OSBPL10: variants seen among roughly 807,000 people sequenced by gnomAD.
OSBPL10 encodes the protein oxysterol-binding protein-related protein 10.
A neutral mutation model predicts 81.7 loss-of-function variants in OSBPL10; 49 were observed. That is an observed-to-expected ratio of 0.60 (90% confidence interval 0.48 to 0.76). OSBPL10 has a LOEUF of 0.76. Ranked by LOEUF, OSBPL10 falls within the 30% of genes least tolerant of loss-of-function variation. The probability of loss-of-function intolerance (pLI) is 0.00; values close to 1 mark genes in which losing one functional copy is unlikely to be tolerated. For synonymous variants in OSBPL10, 419 were observed against 383.6 expected (o/e 1.09, Z -1.08); for missense variants, 923 against 987.8 (o/e 0.93, Z 0.88).
intron 8 of OSBPL10, among the ~76,000 whole-genome samples, chr3:31,677,998 G>A (rs1226141554): frequency 1.0e-4 from 15 of 147,310 alleles, no homozygotes; most frequent in Middle Eastern, 3.6e-3. Flanking sequence ...GGAGAATGGC[G>A]TGAACCCAGG....
At chr3:32,023,688 G>T (rs1417330375) in intron 2 of OSBPL10, among the ~76,000 whole-genome samples, 1 of 152,130 alleles carries the variant, frequency 6.6e-6, no homozygotes, top group Non-Finnish European at 1.5e-5. Context: ...ATAGTTTATT[G>T]CTGCATTCTC....
chr3:31,841,144 G>A (rs1370682142), intron 3 of OSBPL10, among the ~76,000 whole-genome samples: 1 of 152,226 alleles, frequency 6.6e-6, no homozygotes, highest in East Asian at 1.9e-4. Flanking sequence ...CCGACCTCGG[G>A]TGATCCACCG....
chr3:31,695,259 C>T (rs2340581), intron 7 of OSBPL10, among the ~76,000 whole-genome samples: 149,982 of 152,322 alleles, frequency 0.98, 73,850 homozygotes, highest in Middle Eastern at 1. Flanking sequence ...ATCTGTAACA[C>T]TGGAGTTTAG....
At chr3:31,674,163 G>A (rs2125522245) in intron 8 of OSBPL10, among the ~76,000 whole-genome samples, 1 of 152,290 alleles carries the variant, frequency 6.6e-6, no homozygotes, top group East Asian at 1.9e-4. Flanking sequence ...ATGTCATGGG[G>A]AGGGATCTCT....
intron 6 of OSBPL10, 180 bp downstream of exon 6, chr3:31,733,077 C>G (rs937389721): frequency 6.6e-6 from 5 of 756,500 alleles, no homozygotes; most frequent in Admixed American, 6.6e-5. Flanking sequence ...CTGCCAGACA[C>G]AAGAACATGA....
chr3:32,058,618 C>A (rs1375848136), intron 1 of OSBPL10, among the ~76,000 whole-genome samples: 3 of 151,940 alleles, frequency 2.0e-5, no homozygotes, highest in African/African-American at 7.2e-5. Flanking sequence ...TGAGCCACCC[C>A]ACCCAGCCTG....
chr3:31,987,288 G>A (rs1383971077), intron 2 of OSBPL10, among the ~76,000 whole-genome samples: 3 of 152,148 alleles, frequency 2.0e-5, no homozygotes, highest in Admixed American at 6.5e-5. Context: ...TTCCTTTAGA[G>A]CTATATTATC....
intron 1 of OSBPL10, among the ~76,000 whole-genome samples, chr3:31,950,425 C>G (rs371822887): frequency 5.9e-5 from 9 of 152,342 alleles, no homozygotes; most frequent in African/African-American, 2.2e-4. Context: ...TGTATACCTA[C>G]TGGCTTGGCA....
chr3:32,015,330 T>A (rs919688850), intron 2 of OSBPL10, among the ~76,000 whole-genome samples: 5 of 152,000 alleles, frequency 3.3e-5, no homozygotes, highest in Non-Finnish European at 7.4e-5. Flanking sequence ...AACCTGACAA[T>A]AATAAGAAAT....
chr3:31,912,211 C>T (rs540791924), intron 1 of OSBPL10, among the ~76,000 whole-genome samples: 131 of 151,930 alleles, frequency 8.6e-4, no homozygotes, highest in Non-Finnish European at 1.5e-3. Flanking sequence ...CTGGCTAACA[C>T]GGTGAAACTC....
chr3:32,026,344 C>T (rs1225364990), intron 2 of OSBPL10, among the ~76,000 whole-genome samples: 1 of 152,050 alleles, frequency 6.6e-6, no homozygotes, highest in African/African-American at 2.4e-5. Context: ...CACTGTGTTG[C>T]CCAGGCTAGT....
At chr3:31,721,315 A>G (rs1348472632) in intron 6 of OSBPL10, 4 of 152,342 alleles carry the variant, frequency 2.6e-5, no homozygotes, top group Non-Finnish European at 4.4e-5. Context: ...AAGAGAATAC[A>G]TTTGTGGTAA....
chr3:31,974,381 A>T (rs1236008316), intron 1 of OSBPL10, among the ~76,000 whole-genome samples: 1 of 152,042 alleles, frequency 6.6e-6, no homozygotes, highest in African/African-American at 2.4e-5. Context: ...ATGAGCAAAC[A>T]CTCCTAGGTG....
chr3:31,735,200 C>T (rs1394740096), intron 5 of OSBPL10, among the ~76,000 whole-genome samples: 1 of 152,188 alleles, frequency 6.6e-6, no homozygotes, highest in Admixed American at 6.5e-5. Context: ...TTTGGGATCC[C>T]GGCTGAGGCG....
chr3:31,777,594 G>A (rs1041741377), intron 4 of OSBPL10, among the ~76,000 whole-genome samples: 6 of 152,170 alleles, frequency 3.9e-5, no homozygotes, highest in African/African-American at 1.4e-4. Context: ...CATTGTGAAA[G>A]TGTACTAGGA....
chr3:31,970,702 G>A (rs1479888469), intron 1 of OSBPL10, among the ~76,000 whole-genome samples: 1 of 152,194 alleles, frequency 6.6e-6, no homozygotes, highest in Non-Finnish European at 1.5e-5. Flanking sequence ...CTGATGCTTC[G>A]TGGACCCACA....
At chr3:31,969,400 TACAGCTCTGGA>T (rs1283254176) in intron 1 of OSBPL10, 6 of 152,288 alleles carry the variant, frequency 3.9e-5, no homozygotes, top group African/African-American at 1.4e-4. Context: ...GCTCTACACT[TACAGCTCTGGA>T]ACAGTTAGGG....
In OSBPL10 at chr3:31,683,616, A is replaced by G; in HGVS notation, c.1726+18T>C. The G allele has an allele frequency of 6.3e-7, 1 of 1,599,904 alleles. No individual in the cohort carries two copies. Among genetic ancestry groups the G allele is most frequent in the South Asian group, 1.1e-5 (1 of 90,784 alleles). ...GTCACTGTGTAAGAGCCAAACTCCAACATACGACATGGCTTACCTTCCCCT... is the reference window on the plus strand; with the variant it reads ...GTCACTGTGTAAGAGCCAAACTCCAGCATACGACATGGCTTACCTTCCCCT... On this transcript the variant is annotated intron_variant, in intron 8 of 11. Coordinates refer to ENST00000396556, the MANE Select transcript of OSBPL10 (RefSeq NM_017784.5).
chr3:31,823,683 T>C (rs150122716), intron 4 of OSBPL10, among the ~76,000 whole-genome samples: 1 of 152,320 alleles, frequency 6.6e-6, no homozygotes, highest in African/African-American at 2.4e-5. Context: ...ATGATTTCCT[T>C]AGTATATGAG....
Sources: allele counts gnomAD v4.1 joint callset (sites outside exome capture counted in the v4.1 genomes callset), GRCh38; gene constraint gnomAD v4.1.1; transcripts MANE v1.5; gene names NCBI Gene and HGNC (gene_info 2026-07-23, HGNC 2026-07-21).